The following ZBTB20 variants were observed in gnomAD, a reference collection of about 807,000 sequenced individuals.
The protein encoded by ZBTB20 is zinc finger and BTB domain containing 20.
A neutral mutation model predicts 56.9 loss-of-function variants in ZBTB20; 9 were observed. The observed-to-expected ratio is 0.16, with a 90% CI of 0.10 to 0.28. ZBTB20 has a LOEUF of 0.28. ZBTB20 is among the 10% of genes least tolerant of loss of function. The pLI, the probability that ZBTB20 is intolerant of heterozygous loss-of-function variation, is 1.00. For missense variants in ZBTB20, 655 were observed against 1,003.0 expected (o/e 0.65, Z 4.69); for synonymous variants, 417 against 420.7 (o/e 0.99, Z 0.11).
Position 114,547,189 on chromosome 3 carries a change from C to G in ZBTB20, c.-294-46798G>C, listed in dbSNP as rs558149659. ...TGGCCTTACAGCTAGATGAGGAATT[C>G]GGATTCTAGTCTTCAGGTAGAAAAG... On this transcript the variant is annotated intron_variant, in intron 6 of 11. Transcript: ENST00000675478. Among the ~76,000 whole-genome samples the G allele has an allele frequency of 2.0e-5, 3 of 152,084 alleles. No individual in the cohort carries two copies. In the South Asian group the frequency reaches 6.2e-4, roughly 32 times the overall value.
intron 7 of ZBTB20, among the ~76,000 whole-genome samples, chr3:114,422,986 C>T (rs1006657554): frequency 8.5e-5 from 13 of 152,112 alleles, no homozygotes; most frequent in African/African-American, 3.1e-4. Flanking sequence ...GGGTATTTTC[C>T]ATCATTTGGC....
chr3:114,472,899 T>TA (rs2040305733), intron 7 of ZBTB20, among the ~76,000 whole-genome samples: 3 of 152,172 alleles, frequency 2.0e-5, no homozygotes, highest in Admixed American at 1.3e-4. Context: ...GAGGGTATGT[T>TA]AAAGATAAGC....
At chr3:114,796,261 C>T (rs1454708465) in intron 5 of ZBTB20, among the ~76,000 whole-genome samples, 1 of 151,670 alleles carries the variant, frequency 6.6e-6, no homozygotes, top group South Asian at 2.1e-4. Context: ...GTTGGATTTG[C>T]ATATGAAAAA....
intron 5 of ZBTB20, among the ~76,000 whole-genome samples, chr3:114,711,653 C>T (rs1330424528): frequency 6.6e-6 from 1 of 152,178 alleles, no homozygotes; most frequent in African/African-American, 2.4e-5. Flanking sequence ...AGACTGGCAT[C>T]AAATGCTGAC....
intron 4 of ZBTB20, among the ~76,000 whole-genome samples, chr3:114,867,394 G>A (rs924252408): frequency 2.0e-5 from 3 of 152,172 alleles, no homozygotes; most frequent in Non-Finnish European, 4.4e-5. Context: ...ACAGGTTACA[G>A]GGAAAGTGAA....
Position 114,623,935 on chromosome 3 carries a change from G to A in ZBTB20, c.-295+69593C>T, listed in dbSNP as rs558051280. 3.9e-5 allele frequency among the ~76,000 whole-genome samples: 6 copies of A among 152,274 alleles called. No individual in the cohort carries two copies. The East Asian group carries it at 5.8e-4, about 15-fold the overall frequency. ...TAGCCTCAAGGCTCTGCCATTGTCC[G>A]TAGAGTGCTCTAAGTTGTGCCCGCT... On this transcript the variant is annotated intron_variant, in intron 6 of 11. Coordinates refer to ENST00000675478, the MANE Select transcript of ZBTB20 (RefSeq NM_001348800.3).
At chr3:114,990,316 T>A (rs868831170) in intron 2 of ZBTB20, among the ~76,000 whole-genome samples, 1 of 151,888 alleles carries the variant, frequency 6.6e-6, no homozygotes, top group East Asian at 1.9e-4. Flanking sequence ...GCATGAAGGG[T>A]TGTTGAATTT....
rs1278656494 is a variant in ZBTB20, at chr3:114,787,366, T to TATATATATACAC, written c.-343+13734_-343+13735insGTGTATATATAT. 6.1e-3 allele frequency among the ~76,000 whole-genome samples: 508 copies of TATATATATACAC among 82,826 alleles called. 10 individuals are homozygous for TATATATATACAC. The highest frequency in any genetic ancestry group is 0.022 in the African/African-American group (424 of 18,958). The allele number at this position is 82,826 out of a possible 152,430, so 54.3% of individuals were successfully genotyped here. On this transcript the variant is annotated intron_variant, in intron 5 of 11. Coordinates refer to ENST00000675478, the MANE Select transcript of ZBTB20 (RefSeq NM_001348800.3). ...ATATATATATATATATATATATATA[T>TATATATATACAC]ATACACACACACACACACACACACA... is the stretch of plus-strand genomic sequence containing the variant.
intron 2 of ZBTB20, among the ~76,000 whole-genome samples, chr3:114,985,981 T>C (rs187726961): frequency 2.0e-5 from 3 of 152,114 alleles, no homozygotes; most frequent in Admixed American, 6.6e-5. Flanking sequence ...CAATAAAACT[T>C]TGTTTACAGA....
chr3:114,380,778 GTTC>G lies in ZBTB20; in HGVS notation c.7_9del (p.Glu3del). Reference sequence around the variant, plus strand: ...GAAAAATACTAGTGGAAGTTTTACCGTTCTAGCATTTGTCAGGAAGCTTAGAGA... The same window carrying G: ...GAAAAATACTAGTGGAAGTTTTACCGTAGCATTTGTCAGGAAGCTTAGAGA... On this transcript the variant is annotated inframe_deletion and splice_region_variant, in exon 9 of 12. Coordinates refer to ENST00000675478, the MANE Select transcript of ZBTB20 (RefSeq NM_001348800.3). 6.6e-7 allele frequency: 1 copy of G among 1,510,974 alleles called. No homozygotes were observed. Among genetic ancestry groups the G allele is most frequent in the Non-Finnish European group, 8.8e-7 (1 of 1,137,776 alleles). 93.6% of individuals were successfully genotyped at this position (1,510,974 alleles called of 1,614,324 possible).
chr3:114,413,339 G>T (rs1450697540), intron 7 of ZBTB20, among the ~76,000 whole-genome samples: 1 of 152,064 alleles, frequency 6.6e-6, no homozygotes, highest in Admixed American at 6.6e-5. Flanking sequence ...ACAAACTAAA[G>T]AACTACTTTA....
At chr3:115,045,433 TTTAA>T (rs2108410170) in intron 2 of ZBTB20, among the ~76,000 whole-genome samples, 1 of 152,168 alleles carries the variant, frequency 6.6e-6, no homozygotes, top group Admixed American at 6.5e-5. Flanking sequence ...CTGATTTCAT[TTTAA>T]TTAAACAAAT....
chr3:114,755,233 A>G (rs2067919700), intron 5 of ZBTB20, among the ~76,000 whole-genome samples: 2 of 152,200 alleles, frequency 1.3e-5, no homozygotes, highest in Admixed American at 6.5e-5. Flanking sequence ...CAATACGAAG[A>G]GAAGAGACTA....
chr3:114,674,888 T>C (rs1212907984), intron 6 of ZBTB20, among the ~76,000 whole-genome samples: 5 of 151,584 alleles, frequency 3.3e-5, no homozygotes, highest in African/African-American at 1.2e-4. Flanking sequence ...GTCAAAAATA[T>C]GGGTGTTCTG....
chr3:114,935,733 ACTT>A (rs1346546768), intron 3 of ZBTB20, among the ~76,000 whole-genome samples: 1 of 152,202 alleles, frequency 6.6e-6, no homozygotes, highest in Non-Finnish European at 1.5e-5. Context: ...GCATATAATT[ACTT>A]CTTCAGCTCC....
At chr3:114,496,103 A>T (rs974326454) in intron 7 of ZBTB20, among the ~76,000 whole-genome samples, 11 of 152,198 alleles carry the variant, frequency 7.2e-5, no homozygotes, top group Non-Finnish European at 1.5e-4. Flanking sequence ...ATGTGACTGG[A>T]AAAATCCCTT....
At chr3:114,588,206 T>C (rs536513804) in intron 6 of ZBTB20, among the ~76,000 whole-genome samples, 1 of 152,336 alleles carries the variant, frequency 6.6e-6, no homozygotes, top group East Asian at 1.9e-4. Flanking sequence ...CAGTCTCAAC[T>C]TCAAACTTTG....
intron 1 of ZBTB20, chr3:115,100,524 T>C (rs1428119413): frequency 6.6e-6 from 1 of 152,296 alleles, no homozygotes; most frequent in African/African-American, 2.4e-5. Context: ...CCTTCCCCTA[T>C]CCAGCAAAAT....
intron 4 of ZBTB20, among the ~76,000 whole-genome samples, chr3:114,813,661 G>A (rs987898139): frequency 6.6e-6 from 1 of 152,220 alleles, no homozygotes; most frequent in African/African-American, 2.4e-5. Context: ...TGAGGCAGGA[G>A]GATAGCTTGA....
Sources: allele counts gnomAD v4.1 joint callset (sites outside exome capture counted in the v4.1 genomes callset), GRCh38; gene constraint gnomAD v4.1.1; transcripts MANE v1.5; gene names NCBI Gene and HGNC (gene_info 2026-07-23, HGNC 2026-07-21).